Variants in BAZ2B observed in about 807,000 individuals in gnomAD.
BAZ2B encodes bromodomain adjacent to zinc finger domain protein 2B.
BAZ2B carries 91 observed loss-of-function variants against 246.0 expected under a neutral mutation model. The observed-to-expected ratio is 0.37, with a 90% CI of 0.31 to 0.44. The LOEUF (loss-of-function observed/expected upper bound fraction) is 0.44, where lower values mean the gene tolerates loss of function less well. Among genes scored for constraint, BAZ2B ranks in the 20% least tolerant of loss-of-function variants. The probability of loss-of-function intolerance (pLI) is 1.00; values close to 1 mark genes in which losing one functional copy is unlikely to be tolerated. For missense variants in BAZ2B, 2,332 were observed against 2,533.7 expected (o/e 0.92, Z 1.71); for synonymous variants, 855 against 860.0 (o/e 0.99, Z 0.10).
chr2:159,519,112 A>G (rs966329268), intron 2 of BAZ2B, among the ~76,000 whole-genome samples: 1 of 151,586 alleles, frequency 6.6e-6, no homozygotes, highest in African/African-American at 2.4e-5. Flanking sequence ...CTTGCTAGGA[A>G]GTGTGCAATT....
intron 1 of BAZ2B, among the ~76,000 whole-genome samples, chr2:159,569,465 A>C (rs1328664317): frequency 6.6e-6 from 1 of 152,100 alleles, no homozygotes. Context: ...TAATTACCCA[A>C]CTCCCCAGCA....
In BAZ2B at chr2:159,325,041, TA is replaced by T. The variant is rs2063290500; in HGVS notation, c.6210-88del. On this transcript the variant is annotated intron_variant, in intron 35 of 36. Transcript: ENST00000392783. ...AAAAAGCTTTCAGTTATTATATATA[TA>T]TTATATATATATATATATTATATAT... 2.6e-3 allele frequency: 119 copies of T among 45,396 alleles called. 11 individuals carry two copies. Among genetic ancestry groups the T allele is most frequent in the African/African-American group, 9.6e-3 (105 of 10,974 alleles). The allele number at this position is 45,396 out of a possible 1,614,324, so 2.8% of individuals were successfully genotyped here. A position where few individuals can be genotyped will look rare whatever the true frequency, so the allele number is the denominator to read the frequency against.
chr2:159,562,371 AAAT>A (rs1219980343), intron 1 of BAZ2B, among the ~76,000 whole-genome samples: 1 of 152,210 alleles, frequency 6.6e-6, no homozygotes, highest in Non-Finnish European at 1.5e-5. Flanking sequence ...TAGACTTGGT[AAAT>A]TTAAAAAACA....
Position 159,412,330 on chromosome 2 carries a change from C to G in BAZ2B, c.2677+5G>C. On this transcript the variant is annotated splice_donor_5th_base_variant and intron_variant, in intron 14 of 36. Coordinates refer to ENST00000392783, the MANE Select transcript of BAZ2B (RefSeq NM_013450.4). Reference sequence around the variant, plus strand: ...TATTAGTGTCAGACACATTATGTTTCTTACCTTGAGCTTGCAGTTTTCTTA... The same window carrying G: ...TATTAGTGTCAGACACATTATGTTTGTTACCTTGAGCTTGCAGTTTTCTTA... 1 of 1,613,614 alleles carries G rather than the reference C, an allele frequency of 6.2e-7. No homozygotes were observed. Among genetic ancestry groups the G allele is most frequent in the Non-Finnish European group, 8.5e-7 (1 of 1,179,556 alleles).
intron 13 of BAZ2B, among the ~76,000 whole-genome samples, chr2:159,421,360 A>C (rs922207896): frequency 6.6e-6 from 1 of 151,844 alleles, no homozygotes; most frequent in Non-Finnish European, 1.5e-5. Flanking sequence ...TTTTTTGTGG[A>C]GATGGAGTCT....
At chr2:159,527,071 C>T (rs2084833217) in intron 2 of BAZ2B, among the ~76,000 whole-genome samples, 1 of 151,608 alleles carries the variant, frequency 6.6e-6, no homozygotes, top group South Asian at 2.1e-4. Flanking sequence ...CATATTGTCG[C>T]TATTTTTAAT....
intron 16 of BAZ2B, among the ~76,000 whole-genome samples, chr2:159,401,715 A>G (rs1266942858): frequency 1.3e-5 from 2 of 152,186 alleles, no homozygotes; most frequent in African/African-American, 4.8e-5. Context: ...TAGTGATCAT[A>G]TAAATTTTGA....
intron 13 of BAZ2B, among the ~76,000 whole-genome samples, chr2:159,423,439 A>T (rs1186708946): frequency 6.6e-6 from 1 of 152,244 alleles, no homozygotes; most frequent in Non-Finnish European, 1.5e-5. Context: ...TAGTTTAGCC[A>T]CTGTGGAAAG....
At chr2:159,479,428 A>C (rs560430913) in intron 2 of BAZ2B, among the ~76,000 whole-genome samples, 1 of 152,310 alleles carries the variant, frequency 6.6e-6, no homozygotes, top group East Asian at 1.9e-4. Flanking sequence ...TTTTATATTC[A>C]TTTTAATACT....
intron 1 of BAZ2B, among the ~76,000 whole-genome samples, chr2:159,557,253 C>T (rs1231769674): frequency 6.9e-6 from 1 of 144,122 alleles, no homozygotes; most frequent in African/African-American, 2.6e-5. Flanking sequence ...TACGGGGTCT[C>T]ACCATGTTGC....
intron 1 of BAZ2B, among the ~76,000 whole-genome samples, chr2:159,582,611 C>G (rs1578618178): frequency 6.6e-6 from 1 of 152,098 alleles, no homozygotes; most frequent in African/African-American, 2.4e-5. Flanking sequence ...TCTTGAACTC[C>G]TGGACTCCAG....
Position 159,433,203 on chromosome 2 carries a change from G to T in BAZ2B, c.1454C>A (p.Thr485Lys). 1 of 1,614,186 alleles carries T rather than the reference G, an allele frequency of 6.2e-7. No homozygotes were observed. Among genetic ancestry groups the T allele is most frequent in the South Asian group, 1.1e-5 (1 of 91,078 alleles). The change falls in exon 9 of 37, where the codon ACA (threonine) becomes AAA (lysine). Residue 485 changes from threonine to lysine, a missense_variant. Thr to Lys is a moderately conservative substitution (Grantham distance 78, BLOSUM62 -1). Coordinates refer to ENST00000392783, the MANE Select transcript of BAZ2B (RefSeq NM_013450.4). ...TTGGTGATTACCTAAAAGTGCATTT[G>T]TCAAGAATGGATTTGGGTGGTTGTT... is the stretch of plus-strand genomic sequence containing the variant. ...LENNHPNPFLTNALLGNHQPN... is the reference protein window; with the variant it reads ...LENNHPNPFLKNALLGNHQPN...
At chr2:159,653,605 C>G in the BAZ2B span, among the ~76,000 whole-genome samples, 2 of 152,084 alleles carry the variant, frequency 1.3e-5, no homozygotes, top group Admixed American at 6.6e-5. Flanking sequence ...TGAAAAAGAT[C>G]CTAAAGAAAA....
chr2:159,386,457 C>G lies in BAZ2B; in HGVS notation c.3367G>C (p.Glu1123Gln). 6.2e-7 allele frequency: 1 copy of G among 1,613,648 alleles called. No individual in the cohort carries two copies. The highest frequency in any genetic ancestry group is 8.5e-7 in the Non-Finnish European group (1 of 1,179,776). Reference protein sequence around the residue: ...IDVPNLSVLQEGLLNIGDSMG... With the variant: ...IDVPNLSVLQQGLLNIGDSMG... Reference sequence around the variant, plus strand: ...CTGTCCCCTATATTTAGCAATCCCTCTTGAAGAACACTCAGGTTTGGAACA... The same window carrying G: ...CTGTCCCCTATATTTAGCAATCCCTGTTGAAGAACACTCAGGTTTGGAACA... Residue 1123 changes from glutamate to glutamine, a missense_variant, in exon 22 of 37, where the codon GAG (glutamate) becomes CAG (glutamine). Physicochemically the swap from Glu to Gln is conservative, Grantham distance 29. Coordinates refer to ENST00000392783, the MANE Select transcript of BAZ2B (RefSeq NM_013450.4).
At chr2:159,385,490 T>A (rs2062535718) in intron 22 of BAZ2B, 121 bp from the exon 23 acceptor site, 2 of 840,096 alleles carry the variant, frequency 2.4e-6, no homozygotes, top group Admixed American at 2.9e-5. Flanking sequence ...TTATTCACTT[T>A]TTTTTTAATG....
chr2:159,563,369 A>G (rs2151512358), intron 1 of BAZ2B, among the ~76,000 whole-genome samples: 2 of 152,284 alleles, frequency 1.3e-5, no homozygotes, highest in Middle Eastern at 6.8e-3. Flanking sequence ...TACCATAATT[A>G]TCGACTTCAC....
chr2:159,687,825 A>G, the BAZ2B span, among the ~76,000 whole-genome samples: 1 of 152,158 alleles, frequency 6.6e-6, no homozygotes, highest in Non-Finnish European at 1.5e-5. Context: ...GTCTTGTGGG[A>G]CTAAGCCCTA....
intron 36 of BAZ2B, among the ~76,000 whole-genome samples, chr2:159,324,250 T>C (rs1331816257): frequency 1.3e-5 from 2 of 152,212 alleles, no homozygotes; most frequent in African/African-American, 2.4e-5. Context: ...AAAGAGAATA[T>C]GGTAGAGAAA....
intron 3 of BAZ2B, chr2:159,458,998 T>A (rs1308441212): frequency 6.6e-6 from 1 of 152,212 alleles, no homozygotes; most frequent in Non-Finnish European, 1.5e-5. Flanking sequence ...TTGGTCACAT[T>A]ATTTCTTCCA....
Sources: allele counts gnomAD v4.1 joint callset (sites outside exome capture counted in the v4.1 genomes callset), GRCh38; gene constraint gnomAD v4.1.1; transcripts MANE v1.5; gene names NCBI Gene and HGNC (gene_info 2026-07-23, HGNC 2026-07-21).